Variants in LRRC7 observed in about 807,000 individuals in gnomAD.
The protein encoded by LRRC7 is leucine rich repeat containing 7, also known as leucine-rich repeat-containing protein 7.
In LRRC7, 23 loss-of-function variants were observed where a neutral mutation model predicts 175.7. The ratio of observed to expected loss-of-function variants is 0.13; its 90% CI spans 0.09 to 0.19. LRRC7 has a LOEUF of 0.19. Among genes scored for constraint, LRRC7 ranks in the 10% least tolerant of loss-of-function variants. The pLI is 1.00. For synonymous variants in LRRC7, 685 were observed against 680.9 expected (o/e 1.01, Z -0.09); for missense variants, 1,354 against 1,904.7 (o/e 0.71, Z 5.38).
At chr1:69,894,952 G>A (rs1022153262) in intron 7 of LRRC7, among the ~76,000 whole-genome samples, 2 of 152,140 alleles carry the variant, frequency 1.3e-5, no homozygotes, top group African/African-American at 4.8e-5. Context: ...TTAGGCCGGG[G>A]GGCGTGGCTC....
intron 8 of LRRC7, among the ~76,000 whole-genome samples, chr1:69,957,609 G>C (rs1238072165): frequency 6.6e-6 from 1 of 151,558 alleles, no homozygotes; most frequent in Non-Finnish European, 1.5e-5. Flanking sequence ...TTCAAATTTT[G>C]AATTACATTG....
chr1:70,061,981 G>C (rs957202918), intron 23 of LRRC7, among the ~76,000 whole-genome samples: 1 of 152,158 alleles, frequency 6.6e-6, no homozygotes, highest in Non-Finnish European at 1.5e-5. Context: ...AGTTAGGACA[G>C]GTTAGGAGAA....
intron 1 of LRRC7, among the ~76,000 whole-genome samples, chr1:69,571,277 C>T (rs1158640161): frequency 6.6e-6 from 1 of 152,140 alleles, no homozygotes; most frequent in African/African-American, 2.4e-5. Context: ...GTTGCAGTAG[C>T]CATGTTTTAT....
In LRRC7 at chr1:69,625,030, A is replaced by G. The variant is rs1186163688; in HGVS notation, c.3-53351A>G. 2.0e-5 allele frequency among the ~76,000 whole-genome samples: 3 copies of G among 152,016 alleles called. No homozygotes were observed. The East Asian group carries it at 5.8e-4, about 29-fold the overall frequency. On this transcript the variant is annotated intron_variant, in intron 1 of 26. Coordinates refer to ENST00000651989, the MANE Select transcript of LRRC7 (RefSeq NM_001370785.2). ...AACAATTCGTCAAAGACCTCAAAAA[A>G]TTGTCATTTTTATTGAGAAAATTTG...
intron 1 of LRRC7, among the ~76,000 whole-genome samples, chr1:69,580,768 T>C (rs1569663608): frequency 6.6e-6 from 1 of 152,300 alleles, no homozygotes; most frequent in Middle Eastern, 3.4e-3. Flanking sequence ...GTTTACAGTC[T>C]AATGGTATAG....
intron 2 of LRRC7, among the ~76,000 whole-genome samples, chr1:69,726,032 A>G (rs1666942612): frequency 6.6e-6 from 1 of 152,244 alleles, no homozygotes; most frequent in African/African-American, 2.4e-5. Context: ...CCATTAACCT[A>G]GAGAAAGATG....
intron 7 of LRRC7, among the ~76,000 whole-genome samples, chr1:69,889,494 A>G (rs1196102010): frequency 6.6e-6 from 1 of 152,220 alleles, no homozygotes; most frequent in Non-Finnish European, 1.5e-5. Flanking sequence ...CATCTTTACC[A>G]GGAGTAGATT....
In LRRC7 at chr1:69,612,079, C is replaced by A. The variant is rs538881083; in HGVS notation, c.2+43438C>A. On this transcript the variant is annotated intron_variant, in intron 1 of 26. Transcript: ENST00000651989. ...ATTTTCCCTTTGCTTTTCTATGCCA[C>A]CCACATTTAATGATGTCTTAGAATA... Among the ~76,000 whole-genome samples the A allele has an allele frequency of 3.9e-5, 6 of 152,106 alleles. No individual in the cohort carries two copies. In the East Asian group the frequency reaches 9.7e-4, roughly 25 times the overall value.
At chr1:69,981,321 A>G (rs576480982) in intron 9 of LRRC7, among the ~76,000 whole-genome samples, 1 of 152,332 alleles carries the variant, frequency 6.6e-6, no homozygotes, top group East Asian at 1.9e-4. Flanking sequence ...AAAATTACTT[A>G]AGATGACAGC....
chr1:70,074,779 G>C (rs999061226), intron 23 of LRRC7, among the ~76,000 whole-genome samples: 3 of 151,668 alleles, frequency 2.0e-5, no homozygotes, highest in African/African-American at 7.3e-5. Flanking sequence ...ATTGTCTCTT[G>C]TTTGGAATCC....
At chr1:70,045,815 C>A (rs1211612906) in intron 22 of LRRC7, among the ~76,000 whole-genome samples, 2 of 152,062 alleles carry the variant, frequency 1.3e-5, no homozygotes, top group African/African-American at 4.8e-5. Flanking sequence ...TGGCAGCAGG[C>A]AAGATTGCTT....
chr1:69,616,556 T>C (rs943482901), intron 1 of LRRC7, among the ~76,000 whole-genome samples: 5 of 152,092 alleles, frequency 3.3e-5, no homozygotes, highest in African/African-American at 9.6e-5. Context: ...GTAAAATGTT[T>C]CTTTCCAATG....
intron 2 of LRRC7, among the ~76,000 whole-genome samples, chr1:69,708,234 C>T (rs1230817881): frequency 1.3e-5 from 2 of 152,166 alleles, no homozygotes. Context: ...TCAAGTATTT[C>T]TGTCTTCTCT....
At chr1:70,058,951 A>C (rs1661365528) in intron 23 of LRRC7, among the ~76,000 whole-genome samples, 1 of 150,382 alleles carries the variant, frequency 6.6e-6, no homozygotes, top group African/African-American at 2.5e-5. Context: ...ATATCCATAA[A>C]ATGTTAAATT....
chr1:70,037,096 C>A (rs1202006089), intron 20 of LRRC7, among the ~76,000 whole-genome samples: 1 of 152,092 alleles, frequency 6.6e-6, no homozygotes, highest in African/African-American at 2.4e-5. Context: ...TTCCAAAATG[C>A]CTCCTCCTCT....
intron 7 of LRRC7, among the ~76,000 whole-genome samples, chr1:69,856,938 G>C (rs1009943057): frequency 6.6e-6 from 1 of 152,116 alleles, no homozygotes; most frequent in African/African-American, 2.4e-5. Context: ...CTTCATCCCT[G>C]GGACGCAAGG....
intron 2 of LRRC7, among the ~76,000 whole-genome samples, chr1:69,680,314 G>A (rs951261951): frequency 1.1e-4 from 16 of 152,188 alleles, no homozygotes; most frequent in African/African-American, 2.2e-4. Flanking sequence ...ATACTAAATC[G>A]TTATCTATAC....
intron 8 of LRRC7, among the ~76,000 whole-genome samples, chr1:69,963,469 T>C (rs1276915464): frequency 6.6e-6 from 1 of 152,096 alleles, no homozygotes; most frequent in African/African-American, 2.4e-5. Flanking sequence ...AAGGGTCAAA[T>C]AAGAGACTTT....
chr1:69,828,935 A>T (rs1680235847), intron 5 of LRRC7, among the ~76,000 whole-genome samples: 1 of 152,016 alleles, frequency 6.6e-6, no homozygotes, highest in Admixed American at 6.6e-5. Context: ...GAAAAGAAAA[A>T]AATGTTGAAA....
Sources: gnomAD v4.1 joint callset for allele counts (sites outside exome capture counted in the v4.1 genomes callset) on GRCh38, gnomAD v4.1.1 for gene constraint, MANE v1.5 for transcripts, NCBI Gene and HGNC (gene_info 2026-07-23, HGNC 2026-07-21) for gene names.